The following ACOT11 variants were observed in gnomAD, a reference collection of about 807,000 sequenced individuals.
ACOT11 encodes the protein acyl-CoA thioesterase 11.
A neutral mutation model predicts 77.5 loss-of-function variants in ACOT11; 69 were observed. The observed-to-expected ratio is 0.89, with a 90% CI of 0.73 to 1.09. The LOEUF is 1.09. Ranked by LOEUF, ACOT11 falls within the 50% of genes least tolerant of loss-of-function variation. The pLI, the probability that ACOT11 is intolerant of heterozygous loss-of-function variation, is 0.00. For synonymous variants in ACOT11, 279 were observed against 313.0 expected, an observed-to-expected ratio of 0.89 and a Z score of 1.15; for missense variants, 766 against 813.7, an observed-to-expected ratio of 0.94 and a Z score of 0.71.
intron 1 of ACOT11, among the ~76,000 whole-genome samples, chr1:54,561,810 G>A (rs1653504982): frequency 1.7e-5 from 2 of 119,444 alleles, no homozygotes; most frequent in African/African-American, 3.4e-5. Flanking sequence ...CTCCCGGACG[G>A]GGCGGCTGGC....
exon 17 of ACOT11, chr1:54,634,785 C>G: frequency 1.4e-6 from 1 of 697,852 alleles, no homozygotes; most frequent in South Asian, 1.5e-5. Flanking sequence ...CCAGAGGACC[C>G]CCTGGTTGCA....
intron 1 of ACOT11, among the ~76,000 whole-genome samples, chr1:54,583,898 T>G (rs927518630): frequency 5.9e-5 from 9 of 152,184 alleles, no homozygotes; most frequent in Non-Finnish European, 1.2e-4. Flanking sequence ...GGCAGGCTGC[T>G]AGCCCCTTTC....
At chr1:54,553,006 T>C (rs1653124707) in intron 1 of ACOT11, among the ~76,000 whole-genome samples, 1 of 151,140 alleles carries the variant, frequency 6.6e-6, no homozygotes, top group Non-Finnish European at 1.5e-5. Flanking sequence ...TTTGCATTTT[T>C]AGTAGAGATG....
intron 2 of ACOT11, among the ~76,000 whole-genome samples, chr1:54,585,097 C>T (rs146480565): frequency 1.3e-5 from 2 of 152,188 alleles, no homozygotes; most frequent in Non-Finnish European, 2.9e-5. Flanking sequence ...GGCCCTAAGT[C>T]CCTGCCTCAA....
In ACOT11 at chr1:54,597,252, T is replaced by C; in HGVS notation, c.608-7T>C. On this transcript the variant is annotated splice_polypyrimidine_tract_variant and splice_region_variant and intron_variant, in intron 6 of 15. Coordinates refer to ENST00000343744, the MANE Select transcript of ACOT11 (RefSeq NM_147161.4). ...CTGCTTCCCTCCCTTATCCCATCCC[T>C]GGTCAGATCTGGAGAGCAGAGACTG... is the stretch of plus-strand genomic sequence containing the variant. The C allele has an allele frequency of 6.2e-7, 1 of 1,610,834 alleles. No individual in the cohort carries two copies. The highest frequency in any genetic ancestry group is 1.3e-5 in the African/African-American group (1 of 75,066).
chr1:54,585,667 G>A lies in ACOT11; in HGVS notation c.242-168G>A, dbSNP rs187773962. Among the ~76,000 whole-genome samples, 264 of 152,268 alleles carry A rather than the reference G, an allele frequency of 1.7e-3. 1 individual carries two copies. Among genetic ancestry groups the A allele is most frequent in the Admixed American group, 0.016 (248 of 15,296 alleles). ...AAAAGCAGATATACAGAAGATGGTCGGGGTGGTGCCCACGGTGAGGGGTGT... is the reference window on the plus strand; with the variant it reads ...AAAAGCAGATATACAGAAGATGGTCAGGGTGGTGCCCACGGTGAGGGGTGT... On this transcript the variant is annotated intron_variant, in intron 2 of 15. Transcript: ENST00000343744.
At chr1:54,593,458 GTTT>G (rs35252763) in intron 4 of ACOT11, among the ~76,000 whole-genome samples, 2 of 96,346 alleles carry the variant, frequency 2.1e-5, no homozygotes, top group Non-Finnish European at 2.0e-5. Flanking sequence ...TGTGTGTGTG[GTTT>G]TTTTTTTTTT....
chr1:54,567,238 A>T (rs1211376233), intron 1 of ACOT11, among the ~76,000 whole-genome samples: 1 of 151,618 alleles, frequency 6.6e-6, no homozygotes, highest in East Asian at 1.9e-4. Flanking sequence ...CACTCATTCT[A>T]AGCTTGGATC....
intron 15 of ACOT11, among the ~76,000 whole-genome samples, chr1:54,629,229 G>A (rs1156737569): frequency 1.5e-5 from 2 of 133,954 alleles, no homozygotes; most frequent in African/African-American, 5.1e-5. Flanking sequence ...AGCAGAATCA[G>A]ACCCACAAAG....
chr1:54,584,289 GA>G lies in ACOT11; in HGVS notation c.34-365del, dbSNP rs10712719. On this transcript the variant is annotated intron_variant, in intron 1 of 15. Coordinates refer to ENST00000343744, the MANE Select transcript of ACOT11 (RefSeq NM_147161.4). This position sits in a 1 kb window ranked among gnomAD's most constrained non-coding sequence, Gnocchi z 6.3. ...AGCTCTCTAGGCCTCCCTGCATAGA[GA>G]GGCGACTCTTTCCAGAATGAACGTA... Among the ~76,000 whole-genome samples, 62,523 of 151,816 alleles carry G rather than the reference GA, an allele frequency of 0.41. 14,445 individuals are homozygous for G. The highest frequency in any genetic ancestry group is 0.54 in the Non-Finnish European group (36,856 of 67,836).
At chr1:54,554,355 T>A (rs1214730085) in intron 1 of ACOT11, among the ~76,000 whole-genome samples, 875 of 74,618 alleles carry the variant, frequency 0.012, 25 homozygotes, top group East Asian at 0.067. Context: ...ATATATATTT[T>A]TTTTTTTTTT....
At chr1:54,605,965 C>T (rs1033675360) in intron 13 of ACOT11, among the ~76,000 whole-genome samples, 9 of 152,138 alleles carry the variant, frequency 5.9e-5, no homozygotes, top group East Asian at 1.9e-4. Flanking sequence ...GGAGAATTTC[C>T]GTAAGGAGGT....
At chr1:54,592,501 C>T in intron 3 of ACOT11, 45 bp from the exon 4 acceptor site, 2 of 1,585,802 alleles carry the variant, frequency 1.3e-6, no homozygotes, top group South Asian at 2.3e-5. Flanking sequence ...CTGTTCCTCC[C>T]TCTGGCCCCT....
At chr1:54,587,283 C>A (rs780363814) in intron 3 of ACOT11, among the ~76,000 whole-genome samples, 18 of 151,934 alleles carry the variant, frequency 1.2e-4, no homozygotes, top group Non-Finnish European at 2.2e-4. Context: ...GGGGGGCCTA[C>A]GCGGGTGGAT....
intron 1 of ACOT11, among the ~76,000 whole-genome samples, chr1:54,562,366 G>T (rs1653546386): frequency 1.3e-5 from 1 of 77,170 alleles, no homozygotes; most frequent in Non-Finnish European, 2.5e-5. Flanking sequence ...GGGCTGAGGG[G>T]CTCCTCACTT....
chr1:54,630,771 C>T (rs774204432), exon 16 of ACOT11: 10 of 762,962 alleles, frequency 1.3e-5, no homozygotes, highest in East Asian at 7.4e-5. Context: ...GAGCTGGTCT[C>T]GGCAAGTGGC....
chr1:54,597,219 T>C, intron 6 of ACOT11, 40 bp from the exon 7 acceptor site: 1 of 1,604,362 alleles, frequency 6.2e-7, no homozygotes, highest in South Asian at 1.1e-5. Context: ...GGGAATGTTC[T>C]CACCTCCCTG....
chr1:54,578,940 A>G (rs1654206267), intron 1 of ACOT11, among the ~76,000 whole-genome samples: 1 of 152,218 alleles, frequency 6.6e-6, no homozygotes, highest in Admixed American at 6.5e-5. Flanking sequence ...CCAAATGAAT[A>G]CATATAGGAG....
chr1:54,602,777 CCGCTGA>C, intron 10 of ACOT11, 53 bp downstream of exon 10: 1 of 1,464,790 alleles, frequency 6.8e-7, no homozygotes, highest in Non-Finnish European at 9.0e-7. Flanking sequence ...TGTTCACGCT[CCGCTGA>C]CCCCAGGGCA....
Sources: allele counts gnomAD v4.1 joint callset (sites outside exome capture counted in the v4.1 genomes callset), GRCh38; gene constraint gnomAD v4.1.1; non-coding constraint Gnocchi (gnomAD v3.1); transcripts MANE v1.5; gene names NCBI Gene and HGNC (gene_info 2026-07-23, HGNC 2026-07-21).